NUBPL: variants seen among roughly 807,000 people sequenced by gnomAD.
The protein encoded by NUBPL is iron-sulfur cluster transfer protein NUBPL.
Under a neutral mutation model 45.7 loss-of-function variants are expected in NUBPL, and 31 were observed. The observed-to-expected ratio is 0.68, with a 90% CI of 0.51 to 0.92. The LOEUF is 0.92. Among genes scored for constraint, NUBPL ranks in the 40% least tolerant of loss-of-function variants. The probability of loss-of-function intolerance (pLI) is 0.00; values close to 1 mark genes in which losing one functional copy is unlikely to be tolerated. For synonymous variants in NUBPL, 144 were observed against 140.9 expected, an observed-to-expected ratio of 1.02 and a Z score of -0.15; for missense variants, 401 against 398.7, an observed-to-expected ratio of 1.01 and a Z score of -0.05.
chr14:31,721,046 T>G (rs941935827), intron 6 of NUBPL, among the ~76,000 whole-genome samples: 3 of 152,172 alleles, frequency 2.0e-5, no homozygotes, highest in Non-Finnish European at 2.9e-5. Flanking sequence ...GTTTGTTGGC[T>G]GATGAACAAA....
In NUBPL at chr14:31,572,406, T is replaced by G. The variant is rs541755203; in HGVS notation, c.291+7358T>G. On this transcript the variant is annotated intron_variant, in intron 3 of 10. Coordinates refer to ENST00000281081, the MANE Select transcript of NUBPL (RefSeq NM_025152.3). Reference sequence around the variant, plus strand: ...CGCCTGCTTCGGCCTCCCAAAGTTCTGGGATTACCGGCGTGAGCCACTGTG... The same window carrying G: ...CGCCTGCTTCGGCCTCCCAAAGTTCGGGGATTACCGGCGTGAGCCACTGTG... Among the ~76,000 whole-genome samples, 9 of 152,306 alleles carry G rather than the reference T, an allele frequency of 5.9e-5. No individual in the cohort carries two copies. The East Asian group carries it at 1.5e-3, about 26-fold the overall frequency.
chr14:31,839,944 A>G (rs749344915), intron 8 of NUBPL, among the ~76,000 whole-genome samples: 7 of 152,198 alleles, frequency 4.6e-5, no homozygotes, highest in South Asian at 2.1e-4. Context: ...CTGTTAGAAT[A>G]GCAAAAGAAA....
chr14:31,685,758 A>G (rs1425625157), intron 6 of NUBPL, among the ~76,000 whole-genome samples: 1 of 152,214 alleles, frequency 6.6e-6, no homozygotes, highest in Non-Finnish European at 1.5e-5. Flanking sequence ...AAGTTAACAA[A>G]AGGTATTCTT....
At chr14:31,822,465 A>G (rs111684320) in intron 7 of NUBPL, among the ~76,000 whole-genome samples, 2,038 of 152,260 alleles carry the variant, frequency 0.013, 41 homozygotes, top group African/African-American at 0.047. Flanking sequence ...TATCTGAAAT[A>G]ATTACTTATA....
At chr14:31,587,647 G>C (rs936399558) in intron 3 of NUBPL, among the ~76,000 whole-genome samples, 1 of 152,034 alleles carries the variant, frequency 6.6e-6, no homozygotes, top group Admixed American at 6.6e-5. Flanking sequence ...TTTCTTAACT[G>C]CATTTTTGGC....
chr14:31,751,864 A>AGG (rs36096415), intron 6 of NUBPL, among the ~76,000 whole-genome samples: 44,715 of 151,972 alleles, frequency 0.29, 7,452 homozygotes, highest in South Asian at 0.41. Context: ...GAAACTTAGG[A>AGG]GGAGGTTCCC....
At chr14:31,721,030 A>G (rs1214309317) in intron 6 of NUBPL, among the ~76,000 whole-genome samples, 1 of 152,190 alleles carries the variant, frequency 6.6e-6, no homozygotes, top group East Asian at 1.9e-4. Flanking sequence ...TTCTATTTCA[A>G]GATGCGTTTG....
intron 4 of NUBPL, among the ~76,000 whole-genome samples, chr14:31,622,741 C>T (rs1482317292): frequency 6.6e-6 from 1 of 152,234 alleles, no homozygotes; most frequent in Non-Finnish European, 1.5e-5. Flanking sequence ...GAAGCTCTGC[C>T]TTGATTTCAG....
chr14:31,776,031 TC>T (rs1374064908), intron 6 of NUBPL, among the ~76,000 whole-genome samples: 2 of 152,192 alleles, frequency 1.3e-5, no homozygotes, highest in Non-Finnish European at 2.9e-5. Context: ...TCTCTAAGCC[TC>T]CAGAAATTTA....
chr14:31,834,205 A>G (rs1489225335), intron 8 of NUBPL, among the ~76,000 whole-genome samples: 2 of 105,292 alleles, frequency 1.9e-5, no homozygotes, highest in African/African-American at 4.1e-5. Context: ...TTTTTGAGAC[A>G]GAGTCTTGCT....
chr14:31,808,829 G>C (rs1008123109), intron 7 of NUBPL, among the ~76,000 whole-genome samples: 2 of 152,124 alleles, frequency 1.3e-5, no homozygotes, highest in Non-Finnish European at 2.9e-5. Flanking sequence ...AGCATGAAGG[G>C]CTGTTGAATT....
At chr14:31,645,772 A>G (rs916922428) in intron 4 of NUBPL, among the ~76,000 whole-genome samples, 10 of 86,342 alleles carry the variant, frequency 1.2e-4, no homozygotes, top group African/African-American at 4.3e-4. Context: ...TCTATACTTT[A>G]CACCCCCCCC....
intron 3 of NUBPL, among the ~76,000 whole-genome samples, chr14:31,573,892 C>T (rs546491909): frequency 6.6e-6 from 1 of 152,164 alleles, no homozygotes; most frequent in East Asian, 1.9e-4. Context: ...GGTTTTATTC[C>T]TTTTTTTAAT....
At chr14:31,671,235 C>A (rs1298757422) in intron 4 of NUBPL, among the ~76,000 whole-genome samples, 1 of 152,072 alleles carries the variant, frequency 6.6e-6, no homozygotes, top group East Asian at 1.9e-4. Context: ...GAATAGTATT[C>A]TATTGTGTCT....
intron 4 of NUBPL, among the ~76,000 whole-genome samples, chr14:31,643,694 A>AT (rs1262751426): frequency 5.3e-5 from 8 of 151,444 alleles, no homozygotes; most frequent in East Asian, 3.9e-4. Flanking sequence ...CCTCTTATTT[A>AT]TTTTTTTTGA....
intron 6 of NUBPL, among the ~76,000 whole-genome samples, chr14:31,779,484 A>G (rs1213233100): frequency 6.6e-6 from 1 of 152,192 alleles, no homozygotes; most frequent in Non-Finnish European, 1.5e-5. Flanking sequence ...TTTACAAGGA[A>G]GAGACAGCAT....
rs1566566926 is a variant in NUBPL at position 31,798,302 on chromosome 14, G to GTTTTTTTTTTT, written c.607+10429_607+10430insTTTTTTTTTTT. Reference sequence around the variant, plus strand: ...ACTTTCATTTTAGGTATTTATTTATGGTTTTTTTTTTTTTTTTTTGCTGTG... The same window carrying GTTTTTTTTTTT: ...ACTTTCATTTTAGGTATTTATTTATGTTTTTTTTTTTGTTTTTTTTTTTTTTTTTTGCTGTG... On this transcript the variant is annotated intron_variant, in intron 7 of 10. Transcript: ENST00000281081. Among the ~76,000 whole-genome samples, 2 of 98,730 alleles carry GTTTTTTTTTTT rather than the reference G, an allele frequency of 2.0e-5. 1 individual carries two copies. Among genetic ancestry groups the GTTTTTTTTTTT allele is most frequent in the African/African-American group, 7.5e-5 (2 of 26,566 alleles). The allele number at this position is 98,730 out of a possible 152,430, so 64.8% of individuals were successfully genotyped here. A position where few individuals can be genotyped will look rare whatever the true frequency, so the allele number is the denominator to read the frequency against.
rs577973565 is a variant in NUBPL, at chr14:31,640,647, A to G, written c.383-32708A>G. The stretch of plus-strand genomic sequence containing the variant: ...AAAAAAAAAAAGAAACACTAATTAG[A>G]TTAATCATCAAATTCCCTTAATCTT... On this transcript the variant is annotated intron_variant, in intron 4 of 10. Coordinates refer to ENST00000281081, the MANE Select transcript of NUBPL (RefSeq NM_025152.3). Among the ~76,000 whole-genome samples the G allele has an allele frequency of 4.6e-5, 7 of 151,178 alleles. No individual in the cohort carries two copies. The South Asian group carries it at 8.4e-4, about 18-fold the overall frequency.
intron 3 of NUBPL, among the ~76,000 whole-genome samples, chr14:31,583,775 T>C (rs1038876197): frequency 3.3e-5 from 5 of 152,092 alleles, no homozygotes; most frequent in Admixed American, 1.3e-4. Context: ...TGGTGATATC[T>C]TGGACTGGAG....
Sources: allele counts gnomAD v4.1 joint callset (sites outside exome capture counted in the v4.1 genomes callset), GRCh38; gene constraint gnomAD v4.1.1; transcripts MANE v1.5; gene names NCBI Gene and HGNC (gene_info 2026-07-23, HGNC 2026-07-21).